QSER1: variants seen among roughly 807,000 people sequenced by gnomAD.
QSER1 encodes the protein glutamine and serine-rich protein 1.
In QSER1, 49 loss-of-function variants were observed where a neutral mutation model predicts 158.5. The observed-to-expected ratio is 0.31, with a 90% confidence interval of 0.25 to 0.39. The LOEUF (loss-of-function observed/expected upper bound fraction) is 0.39. Among genes scored for constraint, QSER1 ranks in the 10% least tolerant of loss-of-function variants. The probability of loss-of-function intolerance (pLI) is 1.00; values close to 1 mark genes in which losing one functional copy is unlikely to be tolerated. For synonymous variants in QSER1, 650 were observed against 715.5 expected (o/e 0.91, Z 1.46); for missense variants, 1,754 against 2,010.3 (o/e 0.87, Z 2.44).
intron 10 of QSER1, among the ~76,000 whole-genome samples, chr11:32,972,019 C>T (rs1216364674): frequency 4.0e-5 from 6 of 150,236 alleles, no homozygotes; most frequent in East Asian, 2.0e-4. Context: ...GCCGAGATCA[C>T]GCCACTGCAC....
rs1374919417 is a variant in QSER1 at position 32,973,304 on chromosome 11, T to C, written c.5206-93T>C. 5 of 1,331,246 alleles carry C rather than the reference T, an allele frequency of 3.8e-6. No individual in the cohort carries two copies. The African/African-American group carries it at 7.3e-5, about 20-fold the overall frequency. The allele number at this position is 1,331,246 out of a possible 1,614,324, so 82.5% of individuals were successfully genotyped here. A position where few individuals can be genotyped will look rare whatever the true frequency, so the allele number is the denominator to read the frequency against. ...ACACACCTCTCTGCAAATAGGTGTTTGTGTGCACACACACTTCTAAATTTT... is the reference window on the plus strand; with the variant it reads ...ACACACCTCTCTGCAAATAGGTGTTCGTGTGCACACACACTTCTAAATTTT... On this transcript the variant is annotated intron_variant, in intron 10 of 12. Transcript: ENST00000650167.
At chr11:32,895,096 C>G (rs12273487) in intron 1 of QSER1, among the ~76,000 whole-genome samples, 8,372 of 152,234 alleles carry the variant, frequency 0.055, 720 homozygotes, top group African/African-American at 0.18. Context: ...CTAAAATCTA[C>G]TTGTCATATT....
chr11:32,944,677 AGGTGT>A (rs1329763451), intron 4 of QSER1, among the ~76,000 whole-genome samples: 52 of 130,144 alleles, frequency 4.0e-4, no homozygotes, highest in African/African-American at 1.3e-3. Context: ...ATTTTGGAAT[AGGTGT>A]GGTGTGGTGC....
chr11:32,908,258 A>G (rs1048702793), intron 1 of QSER1, among the ~76,000 whole-genome samples: 4 of 152,248 alleles, frequency 2.6e-5, no homozygotes, highest in Admixed American at 2.6e-4. Context: ...GAGTTGTCCA[A>G]TCCAGGCCTT....
chr11:32,958,170 T>G (rs1435293853), intron 8 of QSER1, 84 bp downstream of exon 8: 1 of 1,081,004 alleles, frequency 9.3e-7, no homozygotes, highest in Non-Finnish European at 1.4e-6. Context: ...CAATTCAAAA[T>G]GTATTTACTT....
In QSER1 at chr11:32,969,095, T is replaced by C; in HGVS notation, c.5157T>C (p.Asp1719=). 6.3e-7 allele frequency: 1 copy of C among 1,599,524 alleles called. No individual in the cohort carries two copies. The highest frequency in any genetic ancestry group is 8.5e-7 in the Non-Finnish European group (1 of 1,173,836). The stretch of plus-strand genomic sequence containing the variant: ...AAAAAATAGATGGCATGCTAAATGA[T>C]AACCGAAAGAGACTTCTTTTGAATC... ...HMKKIDGMLN[D]NRKRLLLNLH... is the part of the protein sequence containing the mutation. The change falls in exon 10 of 13, where the codon GAT becomes GAC. Residue 1719 remains aspartate (D), a synonymous_variant. Transcript: ENST00000650167.
chr11:32,958,353 G>T (rs186691344), intron 8 of QSER1, among the ~76,000 whole-genome samples: 1 of 151,808 alleles, frequency 6.6e-6, no homozygotes, highest in Admixed American at 6.6e-5. Flanking sequence ...TAAGATGGAG[G>T]TTAGATCAGA....
At chr11:32,952,748 T>C (rs1196227394) in intron 4 of QSER1, among the ~76,000 whole-genome samples, 1 of 137,828 alleles carries the variant, frequency 7.3e-6, no homozygotes, top group Non-Finnish European at 1.6e-5. Context: ...TTAAAATTAC[T>C]TTTTTTTTTT....
intron 5 of QSER1, among the ~76,000 whole-genome samples, chr11:32,954,910 C>G (rs1410929076): frequency 1.3e-5 from 2 of 152,178 alleles, no homozygotes; most frequent in Non-Finnish European, 2.9e-5. Flanking sequence ...ATTCAAGTGT[C>G]TGTATTCTCA....
At chr11:32,902,152 C>T (rs935605575) in intron 1 of QSER1, among the ~76,000 whole-genome samples, 9 of 152,126 alleles carry the variant, frequency 5.9e-5, no homozygotes, top group African/African-American at 9.7e-5. Context: ...GTGAAGGAGT[C>T]GGGCAGGCAA....
intron 2 of QSER1, 36 bp downstream of exon 2, chr11:32,927,305 G>GGT (rs1851985040): frequency 6.6e-6 from 1 of 152,480 alleles, no homozygotes; most frequent in Non-Finnish European, 1.5e-5. Flanking sequence ...TACGAGTCTG[G>GGT]GTACATTTAG....
chr11:32,942,934 G>GA (rs1295228765), intron 4 of QSER1, among the ~76,000 whole-genome samples: 1 of 152,112 alleles, frequency 6.6e-6, no homozygotes, highest in East Asian at 1.9e-4. Context: ...AGTTCTCCTT[G>GA]AAGAGGTCCT....
intron 4 of QSER1, among the ~76,000 whole-genome samples, chr11:32,938,406 G>GT (rs924318805): frequency 5.8e-4 from 89 of 152,256 alleles, no homozygotes; most frequent in African/African-American, 2.0e-3. Context: ...AAGTAGCCAG[G>GT]TTTTGATTTT....
intron 4 of QSER1, among the ~76,000 whole-genome samples, chr11:32,951,255 G>GT (rs1852416555): frequency 6.6e-6 from 1 of 152,148 alleles, no homozygotes; most frequent in African/African-American, 2.4e-5. Context: ...AAGTATAGGA[G>GT]TTTCTTTCTG....
intron 10 of QSER1, among the ~76,000 whole-genome samples, chr11:32,971,544 C>T (rs979911010): frequency 1.3e-5 from 2 of 151,958 alleles, no homozygotes; most frequent in African/African-American, 4.8e-5. Flanking sequence ...CTATTTGTTG[C>T]AAATAATAAT....
intron 6 of QSER1, 64 bp from the exon 7 acceptor site, chr11:32,955,924 C>A: frequency 6.9e-7 from 1 of 1,459,232 alleles, no homozygotes; most frequent in African/African-American, 1.4e-5. Flanking sequence ...GTCAATTGAA[C>A]AAACAAAGTA....
At chr11:32,923,813 AAAAAAT>A (rs1227692245) in intron 1 of QSER1, among the ~76,000 whole-genome samples, 1 of 151,808 alleles carries the variant, frequency 6.6e-6, no homozygotes, top group African/African-American at 2.4e-5. Context: ...ACTAAAATAT[AAAAAAT>A]TAGCCGGGTG....
intron 1 of QSER1, among the ~76,000 whole-genome samples, chr11:32,909,756 T>A (rs925665868): frequency 6.6e-6 from 1 of 152,154 alleles, no homozygotes; most frequent in African/African-American, 2.4e-5. Context: ...CTCTAGATCC[T>A]TTAACATTTA....
chr11:32,950,852 C>T (rs756341580), intron 4 of QSER1, among the ~76,000 whole-genome samples: 10 of 152,196 alleles, frequency 6.6e-5, no homozygotes, highest in Non-Finnish European at 1.3e-4. Flanking sequence ...GTATCAGTAT[C>T]TGATTCCTTT....
Sources: gnomAD v4.1 joint callset for allele counts (sites outside exome capture counted in the v4.1 genomes callset) on GRCh38, gnomAD v4.1.1 for gene constraint, MANE v1.5 for transcripts, NCBI Gene and HGNC (gene_info 2026-07-23, HGNC 2026-07-21) for gene names.